SYT14: variants seen among roughly 807,000 people sequenced by gnomAD.
SYT14 encodes the protein synaptotagmin 14, also known as synaptotagmin-14.
SYT14 carries 32 observed loss-of-function variants against 74.2 expected under a neutral mutation model. The ratio of observed to expected loss-of-function variants is 0.43; its 90% CI spans 0.33 to 0.58. The LOEUF (loss-of-function observed/expected upper bound fraction) is 0.58, where lower values mean the gene tolerates loss of function less well. Among genes scored for constraint, SYT14 ranks in the 20% least tolerant of loss-of-function variants. SYT14 has a pLI of 0.05. For synonymous variants in SYT14, 298 were observed against 337.7 expected, an observed-to-expected ratio of 0.88 and a Z score of 1.29; for missense variants, 791 against 981.8, an observed-to-expected ratio of 0.81 and a Z score of 2.60.
chr1:210,081,077 A>C (rs1432633495), intron 5 of SYT14, among the ~76,000 whole-genome samples: 1 of 152,222 alleles, frequency 6.6e-6, no homozygotes, highest in Admixed American at 6.5e-5. Context: ...GGAAATTGCC[A>C]GTGTACGGCT....
At chr1:210,087,752 G>C (rs1041056931) in intron 5 of SYT14, among the ~76,000 whole-genome samples, 2 of 152,262 alleles carry the variant, frequency 1.3e-5, no homozygotes, top group South Asian at 2.1e-4. Flanking sequence ...ACACCCTTCT[G>C]TCATCTCACT....
At chr1:210,084,547 A>G (rs1207008130) in intron 5 of SYT14, among the ~76,000 whole-genome samples, 1 of 152,210 alleles carries the variant, frequency 6.6e-6, no homozygotes, top group Admixed American at 6.5e-5. Context: ...TGATCCTTCA[A>G]GGAAAAGTAA....
chr1:209,977,027 C>G (rs903694528), intron 2 of SYT14, among the ~76,000 whole-genome samples: 7 of 152,108 alleles, frequency 4.6e-5, no homozygotes, highest in Non-Finnish European at 1.0e-4. Context: ...AGGTTTGCAA[C>G]CCCTGCCTTT....
chr1:210,171,172 C>T (rs1184939401), exon 10 of SYT14: 5 of 152,084 alleles, frequency 3.3e-5, no homozygotes, highest in Non-Finnish European at 1.5e-5. Context: ...AGATATTTTT[C>T]ATATTTCATT....
chr1:210,035,052 A>T (rs139973127), intron 5 of SYT14, among the ~76,000 whole-genome samples: 4 of 151,850 alleles, frequency 2.6e-5, no homozygotes, highest in African/African-American at 9.7e-5. Context: ...AAATCTACAT[A>T]CTGTTTTCCT....
At chr1:209,963,490 G>T (rs944574825) in intron 2 of SYT14, among the ~76,000 whole-genome samples, 15 of 152,072 alleles carry the variant, frequency 9.9e-5, no homozygotes, top group Admixed American at 5.9e-4. Context: ...AGTAATTTTG[G>T]CTTATGTATT....
At chr1:210,141,230 G>A (rs117944918) in intron 7 of SYT14, among the ~76,000 whole-genome samples, 20 of 151,968 alleles carry the variant, frequency 1.3e-4, no homozygotes, top group Middle Eastern at 3.4e-3. Context: ...TGTAACTTTC[G>A]TGTAATACAA....
intron 7 of SYT14, among the ~76,000 whole-genome samples, chr1:210,134,499 A>G (rs2082741474): frequency 6.6e-6 from 1 of 152,218 alleles, no homozygotes; most frequent in Non-Finnish European, 1.5e-5. Context: ...CATCATTAGT[A>G]TTAATGAAAT....
At chr1:210,082,071 A>G (rs142275049) in intron 5 of SYT14, among the ~76,000 whole-genome samples, 1 of 152,220 alleles carries the variant, frequency 6.6e-6, no homozygotes, top group Non-Finnish European at 1.5e-5. Context: ...TAAGGAGCAA[A>G]GCAAAGCAGT....
chr1:209,954,417 G>A (rs924451930), intron 2 of SYT14, among the ~76,000 whole-genome samples: 5 of 151,864 alleles, frequency 3.3e-5, no homozygotes, highest in South Asian at 2.1e-4. Context: ...GCTGTCTTCC[G>A]TTTATCTACA....
At chr1:210,128,147 A>G (rs1572348897) in intron 7 of SYT14, among the ~76,000 whole-genome samples, 1 of 152,114 alleles carries the variant, frequency 6.6e-6, no homozygotes, top group African/African-American at 2.4e-5. Context: ...CTGAGGCAGG[A>G]CGATCGCTTG....
intron 2 of SYT14, among the ~76,000 whole-genome samples, chr1:210,012,521 AT>A (rs549151567): frequency 2.4e-4 from 36 of 152,288 alleles, no homozygotes; most frequent in African/African-American, 8.4e-4. Flanking sequence ...TGAGTATAAC[AT>A]TTGACTGGAG....
At chr1:210,124,553 C>A (rs973794449) in intron 7 of SYT14, among the ~76,000 whole-genome samples, 1 of 152,132 alleles carries the variant, frequency 6.6e-6, no homozygotes, top group African/African-American at 2.4e-5. Context: ...TCCGGAAAGA[C>A]CCCCTGATGA....
chr1:210,021,367 C>A, intron 5 of SYT14, 113 bp downstream of exon 4: 1 of 985,682 alleles, frequency 1.0e-6, no homozygotes, highest in Non-Finnish European at 1.6e-6. Context: ...ACATACAGTA[C>A]AGTCACATTT....
chr1:210,164,851 C>A (rs4421592), exon 10 of SYT14: 109,363 of 151,990 alleles, frequency 0.72, 39,715 homozygotes, highest in East Asian at 0.87. Context: ...TCCTCAGTTC[C>A]TCTGTGGCCT....
rs1347532731 is a variant in SYT14, at chr1:210,155,669, CTT to C, written c.2035-51_2035-50del. 1.9e-5 allele frequency: 30 copies of C among 1,575,848 alleles called. No homozygotes were observed. In the East Asian group the frequency reaches 6.5e-4, roughly 34 times the overall value. Reference sequence around the variant, plus strand: ...ATAAACATGGCATAACAATATATCTCTTAATATATCTCTCTTGCAAAATACTA... The same window carrying C: ...ATAAACATGGCATAACAATATATCTCAATATATCTCTCTTGCAAAATACTA... On this transcript the variant is annotated intron_variant, in intron 7 of 9. Coordinates refer to ENST00000637265, the Ensembl canonical transcript of SYT14.
At chr1:210,098,855 T>A (rs2082010808) in intron 6 of SYT14, among the ~76,000 whole-genome samples, 1 of 152,058 alleles carries the variant, frequency 6.6e-6, no homozygotes, top group South Asian at 2.1e-4. Flanking sequence ...TTAATTTTTG[T>A]ATTTTTAGTA....
At chr1:210,028,206 A>G (rs1236986589) in intron 5 of SYT14, among the ~76,000 whole-genome samples, 1 of 147,436 alleles carries the variant, frequency 6.8e-6, no homozygotes, top group African/African-American at 2.5e-5. Context: ...GATGTCATCA[A>G]GATTCATCCA....
chr1:209,980,544 T>C (rs2079464380), intron 2 of SYT14, among the ~76,000 whole-genome samples: 1 of 152,210 alleles, frequency 6.6e-6, no homozygotes, highest in Non-Finnish European at 1.5e-5. Context: ...CTGAAAGGTA[T>C]TGCCTAGATT....
Sources: allele counts gnomAD v4.1 joint callset (sites outside exome capture counted in the v4.1 genomes callset), GRCh38; gene constraint gnomAD v4.1.1; transcripts MANE v1.5; gene names NCBI Gene and HGNC (gene_info 2026-07-23, HGNC 2026-07-21).